NELL2: variants seen among roughly 807,000 people sequenced by gnomAD.
NELL2 encodes protein kinase C-binding protein NELL2.
NELL2 carries 41 observed loss-of-function variants against 109.6 expected under a neutral mutation model. That is an observed-to-expected ratio of 0.37 (90% confidence interval 0.29 to 0.49). NELL2 has a LOEUF of 0.49. Ranked by LOEUF, NELL2 falls within the 20% of genes least tolerant of loss-of-function variation. NELL2 has a pLI of 0.98. For missense variants in NELL2, 900 were observed against 1,008.3 expected (o/e 0.89, Z 1.45); for synonymous variants, 355 against 344.7 (o/e 1.03, Z -0.33).
chr12:44,810,531 T>C (rs899242461), intron 3 of NELL2, among the ~76,000 whole-genome samples: 3 of 152,134 alleles, frequency 2.0e-5, no homozygotes, highest in African/African-American at 7.2e-5. Context: ...TAAAGGTTCA[T>C]TGAAAAAGCA....
intron 15 of NELL2, among the ~76,000 whole-genome samples, chr12:44,537,177 AT>A (rs1165274901): frequency 1.3e-5 from 2 of 152,120 alleles, no homozygotes; most frequent in Non-Finnish European, 2.9e-5. Flanking sequence ...TCAACTGACA[AT>A]GGCTTTTGCC....
intron 9 of NELL2, among the ~76,000 whole-genome samples, chr12:44,736,091 A>T (rs182184901): frequency 0.02 from 2,956 of 147,964 alleles, 93 homozygotes; most frequent in African/African-American, 0.07. Flanking sequence ...ACTCACTGCA[A>T]GCTCCGCCTC....
At chr12:44,817,061 T>G (rs1218565477) in intron 2 of NELL2, among the ~76,000 whole-genome samples, 3 of 152,216 alleles carry the variant, frequency 2.0e-5, no homozygotes, top group Non-Finnish European at 4.4e-5. Context: ...TAAGTAGTTT[T>G]CAATGGAAGA....
intron 13 of NELL2, among the ~76,000 whole-genome samples, chr12:44,620,469 T>C (rs11182568): frequency 0.17 from 26,092 of 152,082 alleles, 3,469 homozygotes; most frequent in African/African-American, 0.37. Context: ...AATGGCAATC[T>C]TGCAGTATCT....
chr12:44,905,903 G>C (rs550708872), intron 1 of NELL2, among the ~76,000 whole-genome samples: 84 of 152,050 alleles, frequency 5.5e-4, no homozygotes, highest in Non-Finnish European at 1.0e-3. Flanking sequence ...GACAAAAATT[G>C]CTACATTCTG....
At chr12:44,834,459 T>C (rs1344377361) in intron 2 of NELL2, among the ~76,000 whole-genome samples, 2 of 151,278 alleles carry the variant, frequency 1.3e-5, no homozygotes, top group Non-Finnish European at 2.9e-5. Context: ...TTTTTGTCTC[T>C]TTAAAAGGTT....
chr12:44,683,583 A>T (rs928019362), intron 12 of NELL2, among the ~76,000 whole-genome samples: 2 of 152,014 alleles, frequency 1.3e-5, no homozygotes, highest in Non-Finnish European at 2.9e-5. Flanking sequence ...TATTATTTTG[A>T]GATACGTCCC....
At chr12:44,574,043 CTTGT>C (rs890641002) in intron 15 of NELL2, among the ~76,000 whole-genome samples, 1 of 151,836 alleles carries the variant, frequency 6.6e-6, no homozygotes, top group African/African-American at 2.4e-5. Flanking sequence ...AGGGTTTTTG[CTTGT>C]TTGTTATTTT....
At chr12:44,614,471 T>C (rs142581314) in intron 13 of NELL2, among the ~76,000 whole-genome samples, 212 of 152,166 alleles carry the variant, frequency 1.4e-3, no homozygotes, top group Admixed American at 4.3e-3. Flanking sequence ...AATTTCTTTG[T>C]TCTGCATCTG....
intron 15 of NELL2, among the ~76,000 whole-genome samples, chr12:44,556,835 A>G (rs1344866045): frequency 1.3e-5 from 2 of 152,220 alleles, no homozygotes; most frequent in Admixed American, 6.5e-5. Context: ...GAGCCTGTGC[A>G]TGGACATGGG....
At chr12:44,595,149 G>A (rs1944907409) in intron 15 of NELL2, among the ~76,000 whole-genome samples, 1 of 152,184 alleles carries the variant, frequency 6.6e-6, no homozygotes, top group African/African-American at 2.4e-5. Context: ...ACAAGCAACT[G>A]TAGTCAACTA....
At chr12:44,566,361 T>C (rs1476177671) in intron 15 of NELL2, among the ~76,000 whole-genome samples, 1 of 152,078 alleles carries the variant, frequency 6.6e-6, no homozygotes, top group African/African-American at 2.4e-5. Flanking sequence ...ATAATTAGCA[T>C]TCACCTATAC....
intron 12 of NELL2, among the ~76,000 whole-genome samples, chr12:44,685,464 T>G (rs138716889): frequency 6.6e-6 from 1 of 152,150 alleles, no homozygotes; most frequent in Admixed American, 6.5e-5. Context: ...ATTATGATAT[T>G]AGCTGGTTAT....
chr12:44,745,453 C>A (rs996603512), intron 9 of NELL2, among the ~76,000 whole-genome samples: 1 of 152,064 alleles, frequency 6.6e-6, no homozygotes, highest in African/African-American at 2.4e-5. Context: ...CTGGCCAGGG[C>A]AGTCAGGCAG....
At chr12:44,741,004 AC>A (rs1939927242) in intron 9 of NELL2, among the ~76,000 whole-genome samples, 1 of 152,178 alleles carries the variant, frequency 6.6e-6, no homozygotes, top group Admixed American at 6.5e-5. Context: ...GTTTCAAAGT[AC>A]AGTTGATCCT....
chr12:44,541,803 C>T (rs1339017626), intron 15 of NELL2, among the ~76,000 whole-genome samples: 4 of 152,198 alleles, frequency 2.6e-5, no homozygotes, highest in African/African-American at 9.6e-5. Context: ...CCTATATTTA[C>T]TCACTTAATG....
intron 15 of NELL2, among the ~76,000 whole-genome samples, chr12:44,597,260 A>G (rs753385738): frequency 6.6e-6 from 1 of 151,996 alleles, no homozygotes; most frequent in African/African-American, 2.4e-5. Context: ...AGCACCTTTC[A>G]TTTTTCTTAT....
At chr12:44,740,911 T>C (rs1461762049) in intron 9 of NELL2, among the ~76,000 whole-genome samples, 1 of 152,210 alleles carries the variant, frequency 6.6e-6, no homozygotes, top group Non-Finnish European at 1.5e-5. Flanking sequence ...AATCTGTTTA[T>C]TCACAGGGGA....
intron 12 of NELL2, among the ~76,000 whole-genome samples, chr12:44,682,041 A>C (rs563330905): frequency 0.042 from 6,229 of 147,862 alleles, 513 homozygotes; most frequent in African/African-American, 0.16. Context: ...CCAACAGTGT[A>C]AAAGTGTTCC....
Sources: gnomAD v4.1 joint callset for allele counts (sites outside exome capture counted in the v4.1 genomes callset) on GRCh38, gnomAD v4.1.1 for gene constraint, MANE v1.5 for transcripts, NCBI Gene and HGNC (gene_info 2026-07-23, HGNC 2026-07-21) for gene names.